Variants in NFIB observed in about 807,000 individuals in gnomAD.
NFIB encodes nuclear factor I B.
A neutral mutation model predicts 61.5 loss-of-function variants in NFIB; 11 were observed. That is an observed-to-expected ratio of 0.18 (90% CI 0.11 to 0.30). The LOEUF (loss-of-function observed/expected upper bound fraction) is 0.30, where lower values mean the gene tolerates loss of function less well. Ranked by LOEUF, NFIB falls within the 10% of genes least tolerant of loss-of-function variation. NFIB has a pLI of 1.00. For synonymous variants in NFIB, 260 were observed against 216.5 expected, an observed-to-expected ratio of 1.20 and a Z score of -1.76; for missense variants, 471 against 608.9, an observed-to-expected ratio of 0.77 and a Z score of 2.38.
At chr9:14,503,262 G>A in the NFIB span, among the ~76,000 whole-genome samples, 21 of 152,130 alleles carry the variant, frequency 1.4e-4, no homozygotes, top group African/African-American at 5.1e-4. Flanking sequence ...GTGTGTGCAA[G>A]TATCTTTTTC....
rs753895143 is a variant in NFIB at position 14,146,761 on chromosome 9, G to A, written c.853C>T (p.Pro285Ser). ...GGAGAGGGGTAAAAGTCTCCTGTAGGACTTGGTTCCATATTTTCATCTATG... is the reference window on the plus strand; with the variant it reads ...GGAGAGGGGTAAAAGTCTCCTGTAGAACTTGGTTCCATATTTTCATCTATG... Reference protein sequence around the residue: ...ISIDENMEPSPTGDFYPSPSS... With the variant: ...ISIDENMEPSSTGDFYPSPSS... Residue 285 changes from proline (P) to serine (S), a missense_variant, in exon 6 of 11, where the codon CCT becomes TCT. Pro to Ser is a moderately conservative substitution (Grantham distance 74). Transcript: ENST00000380953. The A allele has an allele frequency of 2.5e-5, 40 of 1,606,336 alleles. No homozygotes were observed. Among genetic ancestry groups the A allele is most frequent in the Admixed American group, 1.7e-5 (1 of 58,016 alleles).
chr9:14,200,059 T>C (rs10810114), intron 2 of NFIB, among the ~76,000 whole-genome samples: 128,687 of 152,112 alleles, frequency 0.85, 54,719 homozygotes, highest in South Asian at 0.95. Flanking sequence ...GCCTGGAGCA[T>C]AATTTTGCCC....
intron 2 of NFIB, among the ~76,000 whole-genome samples, chr9:14,255,467 T>C (rs1027289107): frequency 6.6e-6 from 1 of 152,204 alleles, no homozygotes; most frequent in East Asian, 1.9e-4. Context: ...AATGGATGTA[T>C]GGTCAATGAC....
At position 14,313,582 on chromosome 9, in the gene NFIB, T is replaced by G. The variant is rs1319774039; in HGVS notation, c.-71A>C. ...TTCGAGAAGCAAGAATTTCATCTATTCATTTTACAGTCATCTGAGCCCCGC... is the reference window on the plus strand; with the variant it reads ...TTCGAGAAGCAAGAATTTCATCTATGCATTTTACAGTCATCTGAGCCCCGC... On this transcript the variant is annotated 5_prime_UTR_variant, in exon 1 of 11. It removes the in-frame stop codon of an upstream open reading frame in the 5' UTR. Coordinates refer to ENST00000380953, the MANE Select transcript of NFIB (RefSeq NM_001190737.2). This position sits in a 1 kb window ranked among gnomAD's most constrained non-coding sequence, Gnocchi z 4.5. 2.2e-5 allele frequency: 36 copies of G among 1,611,196 alleles called. No individual in the cohort carries two copies. Among genetic ancestry groups the G allele is most frequent in the Non-Finnish European group, 2.9e-5 (34 of 1,178,638 alleles).
intron 2 of NFIB, among the ~76,000 whole-genome samples, chr9:14,183,741 G>A (rs1049200604): frequency 3.3e-5 from 5 of 152,010 alleles, no homozygotes; most frequent in East Asian, 1.9e-4. Flanking sequence ...TAGAGAAAAA[G>A]AGAGGAGTTT....
chr9:14,153,367 T>G (rs2043063574), intron 4 of NFIB, among the ~76,000 whole-genome samples: 1 of 152,062 alleles, frequency 6.6e-6, no homozygotes, highest in South Asian at 2.1e-4. Context: ...AGTCAGATAT[T>G]CCTGCTTAAG....
At chr9:14,495,442 T>C in the NFIB span, among the ~76,000 whole-genome samples, 1 of 142,648 alleles carries the variant, frequency 7.0e-6, no homozygotes, top group Non-Finnish European at 1.5e-5. Flanking sequence ...AGAAGAGAAA[T>C]GAACTTTTTT....
chr9:14,217,344 T>A (rs1261697165), intron 2 of NFIB, among the ~76,000 whole-genome samples: 2 of 152,160 alleles, frequency 1.3e-5, no homozygotes, highest in South Asian at 4.1e-4. Context: ...AATTATTCAA[T>A]AATGCTAGGA....
chr9:14,112,207 A>G (rs1221786549), intron 10 of NFIB, among the ~76,000 whole-genome samples: 1 of 152,246 alleles, frequency 6.6e-6, no homozygotes, highest in Non-Finnish European at 1.5e-5. Context: ...AAACATATGC[A>G]TCATAAAATA....
chr9:14,339,377 G>T (rs2060923740), intron 1 of NFIB, among the ~76,000 whole-genome samples: 1 of 152,140 alleles, frequency 6.6e-6, no homozygotes, highest in South Asian at 2.1e-4. Context: ...GCACACCCAG[G>T]TTACAAAGAA....
At chr9:14,274,901 T>A (rs1049383294) in intron 2 of NFIB, among the ~76,000 whole-genome samples, 1 of 152,188 alleles carries the variant, frequency 6.6e-6, no homozygotes, top group Admixed American at 6.5e-5. Context: ...AACTGATTTC[T>A]TAAGAAATCC....
intron 3 of NFIB, among the ~76,000 whole-genome samples, chr9:14,161,397 G>A (rs2044185641): frequency 6.6e-6 from 1 of 152,014 alleles, no homozygotes; most frequent in Admixed American, 6.6e-5. Flanking sequence ...CCACGAGGAT[G>A]ATTTAGGTGA....
chr9:14,434,674 C>T, the NFIB span, among the ~76,000 whole-genome samples: 1 of 152,120 alleles, frequency 6.6e-6, no homozygotes, highest in South Asian at 2.1e-4. Flanking sequence ...CATTAGTGAG[C>T]CACCACACAA....
the NFIB span, among the ~76,000 whole-genome samples, chr9:14,505,196 G>A: frequency 6.6e-6 from 1 of 151,898 alleles, no homozygotes; most frequent in Non-Finnish European, 1.5e-5. Flanking sequence ...TGATCATGGT[G>A]GAATCTTTAG....
the NFIB span, among the ~76,000 whole-genome samples, chr9:14,454,372 T>C: frequency 6.6e-6 from 1 of 152,240 alleles, no homozygotes; most frequent in African/African-American, 2.4e-5. Flanking sequence ...CTGCTCATCT[T>C]GGTCAAATTA....
intron 2 of NFIB, among the ~76,000 whole-genome samples, chr9:14,201,074 T>A (rs1043763914): frequency 3.3e-5 from 5 of 152,108 alleles, no homozygotes; most frequent in Non-Finnish European, 5.9e-5. Flanking sequence ...TATTTCCCCA[T>A]CTCCATCCCA....
chr9:14,160,851 A>C lies in NFIB; in HGVS notation c.617-4958T>G, dbSNP rs969948667. Among the ~76,000 whole-genome samples, 12 of 147,968 alleles carry C rather than the reference A, an allele frequency of 8.1e-5. No individual in the cohort carries two copies. In the East Asian group the frequency reaches 2.0e-3, roughly 25 times the overall value. On this transcript the variant is annotated intron_variant, in intron 3 of 10. Transcript: ENST00000380953. ...AATCTCAAAAAAAAAAAAAAAAAAAACAGAAAAAAAGAAGAAAGCATCTCA... is the reference window on the plus strand; with the variant it reads ...AATCTCAAAAAAAAAAAAAAAAAAACCAGAAAAAAAGAAGAAAGCATCTCA...
At chr9:14,157,463 G>A (rs560654526) in intron 3 of NFIB, among the ~76,000 whole-genome samples, 1 of 152,306 alleles carries the variant, frequency 6.6e-6, no homozygotes, top group Admixed American at 6.5e-5. Context: ...TAAGATCTCA[G>A]TAGGGAATAA....
intron 1 of NFIB, chr9:14,361,414 A>G (rs2061239684): frequency 6.6e-6 from 1 of 152,220 alleles, no homozygotes; most frequent in Non-Finnish European, 1.5e-5. Flanking sequence ...CAAATATCAT[A>G]TTATTCTTCA....
Sources: gnomAD v4.1 joint callset for allele counts (sites outside exome capture counted in the v4.1 genomes callset) on GRCh38, gnomAD v4.1.1 for gene constraint, Gnocchi (gnomAD v3.1) non-coding constraint, MANE v1.5 for transcripts, NCBI Gene and HGNC (gene_info 2026-07-23, HGNC 2026-07-21) for gene names.